Variants in PCDH15 observed in about 807,000 individuals in gnomAD.
PCDH15 encodes protocadherin related 15, also known as protocadherin-15.
A neutral mutation model predicts 178.5 loss-of-function variants in PCDH15; 129 were observed. The observed-to-expected ratio is 0.72, with a 90% CI of 0.63 to 0.84. PCDH15 has a LOEUF of 0.84. Among genes scored for constraint, PCDH15 ranks in the 40% least tolerant of loss-of-function variants. The probability of loss-of-function intolerance (pLI) is 0.00; values close to 1 mark genes in which losing one functional copy is unlikely to be tolerated. For missense variants in PCDH15, 2,230 were observed against 2,099.9 expected (o/e 1.06, Z -1.21); for synonymous variants, 800 against 732.0 (o/e 1.09, Z -1.50).
At chr10:54,341,593 C>A (rs1238568669) in intron 6 of PCDH15, among the ~76,000 whole-genome samples, 1 of 152,054 alleles carries the variant, frequency 6.6e-6, no homozygotes, top group Non-Finnish European at 1.5e-5. Flanking sequence ...AAGATGATAA[C>A]CTGAAAATAT....
At chr10:54,260,049 G>A (rs993287067) in intron 8 of PCDH15, among the ~76,000 whole-genome samples, 15 of 152,114 alleles carry the variant, frequency 9.9e-5, no homozygotes, top group African/African-American at 3.6e-4. Flanking sequence ...GATATAACCT[G>A]TCAACTTTGA....
chr10:54,724,353 A>G (rs1016715949), intron 1 of PCDH15, among the ~76,000 whole-genome samples: 1 of 151,696 alleles, frequency 6.6e-6, no homozygotes, highest in Non-Finnish European at 1.5e-5. Flanking sequence ...AAAGATGGAA[A>G]TAACACACCT....
At chr10:54,939,146 C>A (rs1191014725) in intron 2 of PCDH15, among the ~76,000 whole-genome samples, 1 of 151,902 alleles carries the variant, frequency 6.6e-6, no homozygotes, top group Non-Finnish European at 1.5e-5. Flanking sequence ...TTTCCTGTTT[C>A]TTATTGAGTC....
chr10:55,219,589 C>T (rs1358312916), intron 1 of PCDH15, among the ~76,000 whole-genome samples: 1 of 150,680 alleles, frequency 6.6e-6, no homozygotes, highest in Non-Finnish European at 1.5e-5. Context: ...TATAAATTTT[C>T]TTATATATTT....
intron 23 of PCDH15, among the ~76,000 whole-genome samples, chr10:53,943,561 C>T (rs765085208): frequency 4.0e-5 from 6 of 151,780 alleles, no homozygotes; most frequent in South Asian, 2.1e-4. Context: ...AAAAAATGCA[C>T]GTGTACATTT....
intron 3 of PCDH15, among the ~76,000 whole-genome samples, chr10:54,488,451 T>G (rs1441711837): frequency 6.8e-6 from 1 of 146,874 alleles, no homozygotes; most frequent in Non-Finnish European, 1.5e-5. Flanking sequence ...TAAGGTATGG[T>G]AAAAAAAAAA....
intron 3 of PCDH15, among the ~76,000 whole-genome samples, chr10:54,419,322 C>T (rs188330443): frequency 1.6e-4 from 24 of 151,966 alleles, no homozygotes; most frequent in African/African-American, 5.5e-4. Flanking sequence ...AGTATTTTGT[C>T]CAACAAACAA....
intron 2 of PCDH15, among the ~76,000 whole-genome samples, chr10:55,564,428 C>G (rs1842260696): frequency 1.3e-5 from 2 of 151,390 alleles, no homozygotes; most frequent in Non-Finnish European, 3.0e-5. Flanking sequence ...TAAATTTTCA[C>G]TACAAAATAT....
chr10:55,046,976 T>C (rs969801457), intron 2 of PCDH15, among the ~76,000 whole-genome samples: 5 of 151,902 alleles, frequency 3.3e-5, no homozygotes, highest in Non-Finnish European at 7.4e-5. Flanking sequence ...CTATATTCAA[T>C]GTTGTTCTTG....
intron 2 of PCDH15, among the ~76,000 whole-genome samples, chr10:54,982,035 GC>G (rs1182889617): frequency 6.6e-6 from 1 of 151,646 alleles, no homozygotes; most frequent in Non-Finnish European, 1.5e-5. Flanking sequence ...CTCCCAAACT[GC>G]TAGGATTACA....
intron 2 of PCDH15, among the ~76,000 whole-genome samples, chr10:54,631,247 G>T (rs1280431007): frequency 6.6e-6 from 1 of 152,090 alleles, no homozygotes; most frequent in East Asian, 1.9e-4. Flanking sequence ...TGAGAGCCTT[G>T]CTCCAGCTTT....
Position 54,066,763 on chromosome 10 carries a change from T to G in PCDH15, c.2214A>C (p.Gln738His), listed in dbSNP as rs746610406. The G allele has an allele frequency of 4.2e-5, 67 of 1,613,164 alleles. No homozygotes were observed. The highest frequency in any genetic ancestry group is 3.4e-5 in the Non-Finnish European group (40 of 1,179,476). The change falls in exon 18 of 38, where the codon CAA becomes CAC. Residue 738 changes from glutamine to histidine, a missense_variant. Gln to His is a conservative substitution (Grantham distance 24). Coordinates refer to ENST00000644397, the MANE Select transcript of PCDH15 (RefSeq NM_001384140.1). ...VEEEANAFVG[Q>H]VKATDPDAGI... Reference sequence around the variant, plus strand: ...ATATAAATATTCCACTTACTTTTACTTGACCCACAAAGGCATTGGCTTCTT... The same window carrying G: ...ATATAAATATTCCACTTACTTTTACGTGACCCACAAAGGCATTGGCTTCTT...
intron 31 of PCDH15, among the ~76,000 whole-genome samples, chr10:53,828,192 G>T (rs1045518167): frequency 3.1e-5 from 2 of 64,598 alleles, no homozygotes; most frequent in Non-Finnish European, 5.5e-5. Context: ...GCCAACAAGA[G>T]CAAAAAGTCC....
intron 1 of PCDH15, among the ~76,000 whole-genome samples, chr10:54,677,632 T>C (rs1293793241): frequency 2.0e-5 from 3 of 152,190 alleles, no homozygotes; most frequent in Non-Finnish European, 4.4e-5. Flanking sequence ...CTCTGGAGAC[T>C]GTGCAGAATT....
At chr10:54,409,094 C>T (rs1270729115) in intron 3 of PCDH15, among the ~76,000 whole-genome samples, 1 of 152,142 alleles carries the variant, frequency 6.6e-6, no homozygotes, top group African/African-American at 2.4e-5. Context: ...ACCCCTTTCA[C>T]CTGGCTCTCA....
At chr10:54,801,492 T>TCAAAA (rs1952646188), upstream of PCDH15, among the ~76,000 whole-genome samples, 1 of 152,204 alleles carries the variant, frequency 6.6e-6, no homozygotes, top group Admixed American at 6.5e-5. Flanking sequence ...CGTCAGCCTG[T>TCAAAA]CTGATGATTC....
Position 53,891,801 on chromosome 10 carries a change from A to T in PCDH15, c.3501+11442T>A, listed in dbSNP as rs553144190. Among the ~76,000 whole-genome samples, 24 of 151,662 alleles carry T rather than the reference A, an allele frequency of 1.6e-4. 1 individual carries two copies. The highest frequency in any genetic ancestry group is 3.4e-3 in the Middle Eastern group (1 of 294). ...AACCCTGTCTTTACTAAAAATAAAA[A>T]AAAAAAAAAAATACAAAAAAGTTAG... On this transcript the variant is annotated intron_variant, in intron 26 of 37. Coordinates refer to ENST00000644397, the MANE Select transcript of PCDH15 (RefSeq NM_001384140.1).
chr10:54,119,455 AT>A lies in PCDH15; in HGVS notation c.1917+13419del, dbSNP rs563119288. On this transcript the variant is annotated intron_variant, in intron 15 of 37. Transcript: ENST00000644397. ...GTCAGACAAAAATAAAGAAAAAAGA[AT>A]TTTTTAAAATGTACAATGTCTTCAA... Among the ~76,000 whole-genome samples the A allele has an allele frequency of 1.2e-3, 177 of 152,238 alleles. 2 individuals carry two copies. Among genetic ancestry groups the A allele is most frequent in the Non-Finnish European group, 2.0e-3 (137 of 68,010 alleles).
At chr10:55,333,429 T>C (rs1342462017) in intron 2 of PCDH15, among the ~76,000 whole-genome samples, 2 of 152,084 alleles carry the variant, frequency 1.3e-5, no homozygotes, top group Non-Finnish European at 2.9e-5. Context: ...TAAAAGAGGA[T>C]GTATTTTAAA....
Sources: allele counts gnomAD v4.1 joint callset (sites outside exome capture counted in the v4.1 genomes callset), GRCh38; gene constraint gnomAD v4.1.1; transcripts MANE v1.5; gene names NCBI Gene and HGNC (gene_info 2026-07-23, HGNC 2026-07-21).